TRDN: variants seen among roughly 807,000 people sequenced by gnomAD.
TRDN encodes the protein triadin in skeletal muscle.
In TRDN, 161 loss-of-function variants were observed where a neutral mutation model predicts 149.7. The ratio of observed to expected loss-of-function variants is 1.08; its 90% CI spans 0.95 to 1.23. The LOEUF is 1.23. Ranked by LOEUF, TRDN falls within the 50% of genes most tolerant of loss-of-function variation. TRDN has a pLI of 0.00. For missense variants in TRDN, 896 were observed against 823.5 expected (o/e 1.09, Z -1.08); for synonymous variants, 294 against 250.5 (o/e 1.17, Z -1.64).
At chr6:123,505,287 T>C (rs577178681) in intron 7 of TRDN, among the ~76,000 whole-genome samples, 4 of 130,178 alleles carry the variant, frequency 3.1e-5, no homozygotes, top group Admixed American at 3.1e-4. Flanking sequence ...AATGAAAAAA[T>C]GTAATCAAGT....
At position 123,445,523 on chromosome 6, in the gene TRDN, T is replaced by C. The variant is rs529460597; in HGVS notation, c.932-6520A>G. On this transcript the variant is annotated intron_variant, in intron 10 of 40. Transcript: ENST00000334268. ...CTAATATCCAGAATCTACAATGAAC[T>C]CAAACAAATTTACAAGAAAAAAACA... Among the ~76,000 whole-genome samples, 441 of 101,900 alleles carry C rather than the reference T, an allele frequency of 4.3e-3. 3 individuals carry two copies. Among genetic ancestry groups the C allele is most frequent in the Middle Eastern group, 0.016 (4 of 250 alleles). The allele number at this position is 101,900 out of a possible 152,430, so 66.9% of individuals were successfully genotyped here.
At chr6:123,619,188 G>T (rs995370782) in intron 1 of TRDN, among the ~76,000 whole-genome samples, 1 of 152,148 alleles carries the variant, frequency 6.6e-6, no homozygotes, top group African/African-American at 2.4e-5. Context: ...CATAATAAAA[G>T]ATTCCAAAGT....
intron 5 of TRDN, among the ~76,000 whole-genome samples, chr6:123,519,338 T>C (rs1779557310): frequency 6.6e-6 from 1 of 151,990 alleles, no homozygotes; most frequent in African/African-American, 2.4e-5. Context: ...AGCACATCTC[T>C]CACCCTCCCA....
Position 123,255,745 on chromosome 6 carries a change from A to G in TRDN, c.1906+122T>C, listed in dbSNP as rs73549395. ...ACTTACCATATTTCTTCTTTTACTC[A>G]GGCTAACACTCATCACATACATTTA... On this transcript the variant is annotated intron_variant, in intron 36 of 40. Coordinates refer to ENST00000334268, the MANE Select transcript of TRDN (RefSeq NM_006073.4). 0.011 allele frequency: 5,063 copies of G among 440,760 alleles called. 153 individuals are homozygous for G. The highest frequency in any genetic ancestry group is 0.07 in the South Asian group (1,235 of 17,656). The allele number at this position is 440,760 out of a possible 1,614,324, so 27.3% of individuals were successfully genotyped here.
chr6:123,353,585 A>T (rs1562274704), intron 20 of TRDN, among the ~76,000 whole-genome samples: 1 of 151,828 alleles, frequency 6.6e-6, no homozygotes, highest in South Asian at 2.1e-4. Flanking sequence ...AATTAGACCA[A>T]TCAAAAATGT....
At chr6:123,336,511 C>A (rs751279588) in intron 22 of TRDN, among the ~76,000 whole-genome samples, 1 of 151,964 alleles carries the variant, frequency 6.6e-6, no homozygotes. Flanking sequence ...CAGGAAAAAA[C>A]TTCCTGGTCA....
At chr6:123,253,334 AG>A (rs1477320634) in intron 37 of TRDN, among the ~76,000 whole-genome samples, 1 of 152,074 alleles carries the variant, frequency 6.6e-6, no homozygotes, top group Non-Finnish European at 1.5e-5. Flanking sequence ...ATGATTTTTA[AG>A]CTACCTGTAT....
chr6:123,383,493 G>A (rs1781796035), intron 14 of TRDN, among the ~76,000 whole-genome samples: 1 of 151,930 alleles, frequency 6.6e-6, no homozygotes, highest in African/African-American at 2.4e-5. Context: ...TCAGGATATT[G>A]CTTTGTGTCT....
At chr6:123,259,860 C>T (rs1776700896) in intron 34 of TRDN, among the ~76,000 whole-genome samples, 198 bp from the exon 35 acceptor site, 1 of 151,860 alleles carries the variant, frequency 6.6e-6, no homozygotes, top group South Asian at 2.1e-4. Context: ...TCCTCCTCCT[C>T]TTTGGCCTCC....
chr6:123,339,353 G>T (rs1414860806), intron 21 of TRDN, among the ~76,000 whole-genome samples: 1 of 152,038 alleles, frequency 6.6e-6, no homozygotes, highest in Non-Finnish European at 1.5e-5. Context: ...GCTGAGAATG[G>T]TTCTTAGAGT....
chr6:123,570,149 A>T (rs1252802795), intron 2 of TRDN, among the ~76,000 whole-genome samples: 1 of 152,172 alleles, frequency 6.6e-6, no homozygotes, highest in East Asian at 1.9e-4. Context: ...GGAGAAAGAA[A>T]AAAGGGGAGG....
chr6:123,492,901 T>C (rs1778285203), intron 9 of TRDN, among the ~76,000 whole-genome samples: 1 of 152,106 alleles, frequency 6.6e-6, no homozygotes, highest in Admixed American at 6.6e-5. Flanking sequence ...ACAGCTACCA[T>C]AAGACGAATC....
Position 123,570,913 on chromosome 6 carries a change from T to G in TRDN, c.232+10A>C. 6.2e-7 allele frequency: 1 copy of G among 1,610,334 alleles called. No individual in the cohort carries two copies. Among genetic ancestry groups the G allele is most frequent in the Non-Finnish European group, 8.5e-7 (1 of 1,177,228 alleles). On this transcript the variant is annotated intron_variant, in intron 2 of 40. Coordinates refer to ENST00000334268, the MANE Select transcript of TRDN (RefSeq NM_006073.4). ...ATTTTAATTTTAAAGCCAAATTTTA[T>G]GGAACTTACCTGAAAAGTTTTTGTA...
intron 33 of TRDN, among the ~76,000 whole-genome samples, chr6:123,261,653 A>G (rs925112715): frequency 5.9e-5 from 9 of 151,806 alleles, no homozygotes; most frequent in Non-Finnish European, 1.3e-4. Flanking sequence ...TTACATAACT[A>G]TTTTGAGTAG....
At chr6:123,575,461 G>A (rs1393809362) in intron 1 of TRDN, among the ~76,000 whole-genome samples, 1 of 152,086 alleles carries the variant, frequency 6.6e-6, no homozygotes, top group Non-Finnish European at 1.5e-5. Context: ...ACAAGAGCTA[G>A]TTATTGATAT....
intron 4 of TRDN, among the ~76,000 whole-genome samples, chr6:123,534,978 G>A (rs957475293): frequency 1.3e-5 from 2 of 152,124 alleles, no homozygotes; most frequent in Non-Finnish European, 2.9e-5. Flanking sequence ...TCTCTGAAAA[G>A]GTGTTAAGTC....
rs1562259174 is a variant in TRDN, at chr6:123,316,478, C to T, written c.1489G>A (p.Asp497Asn). Residue 497 changes from aspartate (D) to asparagine (N), a missense_variant, in exon 24 of 41, where the codon GAT becomes AAT. Asp to Asn is a conservative substitution (Grantham distance 23). Coordinates refer to ENST00000334268, the MANE Select transcript of TRDN (RefSeq NM_006073.4). Reference protein sequence around the residue: ...LKEKEPETKKDEKMSKAGKEV... With the variant: ...LKEKEPETKKNEKMSKAGKEV... ...TTACCTGCTTTGGACATCTTTTCAT[C>T]TTTTTTAGTTTCAGGTTCTGGGGCA... The T allele has an allele frequency of 1.2e-6, 2 of 1,610,286 alleles. No individual in the cohort carries two copies. Among genetic ancestry groups the T allele is most frequent in the East Asian group, 4.5e-5 (2 of 44,638 alleles).
chr6:123,563,951 A>C (rs1331422064), intron 2 of TRDN, among the ~76,000 whole-genome samples: 2 of 152,210 alleles, frequency 1.3e-5, no homozygotes, highest in Non-Finnish European at 2.9e-5. Flanking sequence ...TAAAACAACA[A>C]TAAAAACAAT....
chr6:123,314,759 G>A lies in TRDN; in HGVS notation c.1510+1698C>T, dbSNP rs7769334. Among the ~76,000 whole-genome samples the A allele has an allele frequency of 5.9e-3, 890 of 152,060 alleles. 11 individuals are homozygous for A. The highest frequency in any genetic ancestry group is 0.021 in the African/African-American group (859 of 41,518). On this transcript the variant is annotated intron_variant, in intron 24 of 40. Transcript: ENST00000334268. ...ATGCAGGGACAGAAAACCAAATACC[G>A]CATGTTCTCACTTGTAAGCGGGAGC...
Sources: allele counts gnomAD v4.1 joint callset (sites outside exome capture counted in the v4.1 genomes callset), GRCh38; gene constraint gnomAD v4.1.1; transcripts MANE v1.5; gene names NCBI Gene and HGNC (gene_info 2026-07-23, HGNC 2026-07-21).